KCNJ3: variants seen among roughly 807,000 people sequenced by gnomAD.
The protein encoded by KCNJ3 is potassium inwardly rectifying channel subfamily J member 3.
Under a neutral mutation model 39.2 loss-of-function variants are expected in KCNJ3, and 4 were observed. The observed-to-expected ratio is 0.10, with a 90% CI of 0.05 to 0.23. The LOEUF (loss-of-function observed/expected upper bound fraction) is 0.23. Among genes scored for constraint, KCNJ3 ranks in the 10% least tolerant of loss-of-function variants. KCNJ3 has a pLI of 1.00. For missense variants in KCNJ3, 276 were observed against 634.9 expected, an observed-to-expected ratio of 0.43 and a Z score of 6.08; for synonymous variants, 230 against 237.4, an observed-to-expected ratio of 0.97 and a Z score of 0.29.
intron 2 of KCNJ3, among the ~76,000 whole-genome samples, chr2:154,766,621 A>T (rs1686140541): frequency 6.6e-6 from 1 of 152,026 alleles, no homozygotes; most frequent in South Asian, 2.1e-4. Flanking sequence ...CAGTGGCATG[A>T]TCTTGGCTCA....
chr2:154,809,705 A>G (rs1189881782), intron 2 of KCNJ3, among the ~76,000 whole-genome samples: 2 of 152,212 alleles, frequency 1.3e-5, no homozygotes, highest in African/African-American at 2.4e-5. Flanking sequence ...ATGTACTCAT[A>G]TAGAGCAATA....
chr2:154,808,188 C>T (rs941246242), intron 2 of KCNJ3, among the ~76,000 whole-genome samples: 1 of 151,350 alleles, frequency 6.6e-6, no homozygotes, highest in Non-Finnish European at 1.5e-5. Flanking sequence ...TCAGGCAATT[C>T]TCCCTGCCTC....
chr2:154,715,142 C>T (rs966190939), intron 2 of KCNJ3, among the ~76,000 whole-genome samples: 5 of 152,222 alleles, frequency 3.3e-5, no homozygotes, highest in African/African-American at 9.6e-5. Flanking sequence ...CTCAATTCAA[C>T]TATTCCTTTT....
chr2:154,818,524 A>C (rs1687117711), intron 2 of KCNJ3, among the ~76,000 whole-genome samples: 1 of 152,150 alleles, frequency 6.6e-6, no homozygotes, highest in Non-Finnish European at 1.5e-5. Flanking sequence ...TACATGTGAT[A>C]TCTCAGTTAT....
At chr2:154,853,789 G>A (rs1480348809) in intron 2 of KCNJ3, among the ~76,000 whole-genome samples, 2 of 152,116 alleles carry the variant, frequency 1.3e-5, no homozygotes, top group East Asian at 3.9e-4. Flanking sequence ...GATTTATGAA[G>A]AGAACAAAAT....
chr2:154,835,440 CAT>C (rs1558886360), intron 2 of KCNJ3, among the ~76,000 whole-genome samples: 51 of 49,158 alleles, frequency 1.0e-3, no homozygotes, highest in Non-Finnish European at 1.9e-3. Context: ...ATATAATATT[CAT>C]GAATATGAAT....
At chr2:154,823,752 T>A (rs1422342413) in intron 2 of KCNJ3, among the ~76,000 whole-genome samples, 1 of 152,230 alleles carries the variant, frequency 6.6e-6, no homozygotes, top group Non-Finnish European at 1.5e-5. Context: ...TTTATACATA[T>A]ACATCTTAGT....
chr2:154,846,624 G>C (rs1310409429), intron 2 of KCNJ3, among the ~76,000 whole-genome samples: 1 of 152,062 alleles, frequency 6.6e-6, no homozygotes, highest in Non-Finnish European at 1.5e-5. Context: ...ATGTTCTTTT[G>C]CTTAATATTT....
chr2:154,850,584 A>G (rs1687743413), intron 2 of KCNJ3, among the ~76,000 whole-genome samples: 1 of 152,174 alleles, frequency 6.6e-6, no homozygotes, highest in Non-Finnish European at 1.5e-5. Flanking sequence ...ATCTTTATCC[A>G]TATATTGATT....
intron 2 of KCNJ3, among the ~76,000 whole-genome samples, chr2:154,739,631 C>T (rs1685611193): frequency 6.6e-6 from 1 of 152,050 alleles, no homozygotes; most frequent in Non-Finnish European, 1.5e-5. Flanking sequence ...CTCAAGCATA[C>T]ATCTGAGTCT....
At chr2:154,792,981 C>G (rs2105211490) in intron 2 of KCNJ3, among the ~76,000 whole-genome samples, 1 of 152,088 alleles carries the variant, frequency 6.6e-6, no homozygotes, top group South Asian at 2.1e-4. Flanking sequence ...AAAGAAAGGC[C>G]AGAGTTGTAC....
chr2:154,755,142 C>G (rs984784849), intron 2 of KCNJ3, among the ~76,000 whole-genome samples: 1 of 152,048 alleles, frequency 6.6e-6, no homozygotes, highest in African/African-American at 2.4e-5. Context: ...TTCCCATCAG[C>G]ATTGCTAGAG....
Sources: gnomAD v4.1 joint callset for allele counts (sites outside exome capture counted in the v4.1 genomes callset) on GRCh38, gnomAD v4.1.1 for gene constraint, MANE v1.5 for transcripts, NCBI Gene and HGNC (gene_info 2026-07-23, HGNC 2026-07-21) for gene names.